The following ALDH3A2 variants were observed in gnomAD, a reference collection of about 807,000 sequenced individuals.
The protein encoded by ALDH3A2 is aldehyde dehydrogenase family 3 member A2.
Under a neutral mutation model 51.3 loss-of-function variants are expected in ALDH3A2, and 36 were observed. The ratio of observed to expected loss-of-function variants is 0.70; its 90% CI spans 0.54 to 0.93. The LOEUF is 0.93. Among genes scored for constraint, ALDH3A2 ranks in the 40% least tolerant of loss-of-function variants. ALDH3A2 has a pLI of 0.00. For missense variants in ALDH3A2, 552 were observed against 603.1 expected, an observed-to-expected ratio of 0.92 and a Z score of 0.89; for synonymous variants, 199 against 219.8, an observed-to-expected ratio of 0.91 and a Z score of 0.84.
At chr17:19,652,382 G>A (rs1309182092) in intron 2 of ALDH3A2, among the ~76,000 whole-genome samples, 165 bp from the exon 3 acceptor site, 1 of 152,208 alleles carries the variant, frequency 6.6e-6, no homozygotes, top group Admixed American at 6.5e-5. Context: ...GTTAGCCTTA[G>A]AAGAGAAAGT....
chr17:19,649,292 G>A, intron 1 of ALDH3A2, 168 bp downstream of exon 1: 1 of 893,612 alleles, frequency 1.1e-6, no homozygotes, highest in Non-Finnish European at 1.7e-6. Context: ...GACTTTCCCG[G>A]TCCTCTAGCA....
Position 19,653,350 on chromosome 17 carries a change from G to C in ALDH3A2, c.471+718G>C, listed in dbSNP as rs1055534614. Among the ~76,000 whole-genome samples, 4 of 152,136 alleles carry C rather than the reference G, an allele frequency of 2.6e-5. No individual in the cohort carries two copies. The East Asian group carries it at 7.7e-4, about 29-fold the overall frequency. Reference sequence around the variant, plus strand: ...GTGAGCCACCATGCCCATGTGTCTGGAATTGGTGGGTTCTCGGTCTCACTG... The same window carrying C: ...GTGAGCCACCATGCCCATGTGTCTGCAATTGGTGGGTTCTCGGTCTCACTG... On this transcript the variant is annotated intron_variant, in intron 3 of 9. Coordinates refer to ENST00000176643, the MANE Select transcript of ALDH3A2 (RefSeq NM_000382.3).
chr17:19,651,769 A>G lies in ALDH3A2; in HGVS notation c.376A>G (p.Ile126Val), dbSNP rs2152326518. Residue 126 changes from isoleucine to valine, a missense_variant, in exon 2 of 10, where the codon ATC becomes GTC. By Grantham distance (29) the Ile-to-Val change is conservative. Transcript: ENST00000176643. Reference protein sequence around the residue: ...VLTIQPLIGAIAAGNAVIIKP... With the variant: ...VLTIQPLIGAVAAGNAVIIKP... ...CACCATTCAGCCACTGATAGGAGCC[A>G]TCGCTGCAGGTCTGGTGCCACCTTA... is the stretch of plus-strand genomic sequence containing the variant. 6.2e-7 allele frequency: 1 copy of G among 1,614,110 alleles called. No homozygotes were observed. The highest frequency in any genetic ancestry group is 1.3e-5 in the African/African-American group (1 of 75,060).
chr17:19,649,070 G>A lies in ALDH3A2; in HGVS notation c.99G>A (p.Met33Ile). The change falls in exon 1 of 10, where the codon ATG becomes ATA. Residue 33 changes from methionine (M) to isoleucine (I), a missense_variant. Physicochemically the swap from Met to Ile is conservative, Grantham distance 10 (BLOSUM62 1). Transcript: ENST00000176643. Reference protein sequence around the residue: ...RLQQLEALRRMVQEREKDILT... With the variant: ...RLQQLEALRRIVQEREKDILT... ...AGCAGCTGGAGGCCCTGCGGAGGAT[G>A]GTGCAGGAGCGCGAGAAGGATATCC... 1 of 1,584,726 alleles carries A rather than the reference G, an allele frequency of 6.3e-7. No homozygotes were observed. Among genetic ancestry groups the A allele is most frequent in the Non-Finnish European group, 8.6e-7 (1 of 1,166,014 alleles).
intron 8 of ALDH3A2, among the ~76,000 whole-genome samples, chr17:19,666,625 A>G (rs942364055): frequency 2.0e-5 from 3 of 151,898 alleles, no homozygotes; most frequent in African/African-American, 7.3e-5. Flanking sequence ...AAAAATACAA[A>G]TGTTAGCTGG....
At chr17:19,656,326 T>G in intron 3 of ALDH3A2, 40 bp from the exon 4 acceptor site, 1 of 1,519,118 alleles carries the variant, frequency 6.6e-7, no homozygotes, top group Non-Finnish European at 9.1e-7. Flanking sequence ...CGTTAGGATT[T>G]ATTTGGCAGT....
intron 9 of ALDH3A2, 64 bp from the exon 10 acceptor site, chr17:19,675,494 A>C (rs1384640192): frequency 1.3e-6 from 2 of 1,550,466 alleles, no homozygotes; most frequent in Non-Finnish European, 1.8e-6. Context: ...TTGTGTTGCA[A>C]GGCTGGTTGT....
At chr17:19,658,748 TAAAA>T (rs34082599) in intron 5 of ALDH3A2, among the ~76,000 whole-genome samples, 3 of 138,812 alleles carry the variant, frequency 2.2e-5, no homozygotes, top group Admixed American at 7.1e-5. Context: ...ACTCTGTCTT[TAAAA>T]AAAAAAAAAA....
At chr17:19,667,405 C>A (rs2085053366) in intron 8 of ALDH3A2, among the ~76,000 whole-genome samples, 2 of 152,060 alleles carry the variant, frequency 1.3e-5, no homozygotes, top group East Asian at 3.8e-4. Context: ...GGAAAAATGT[C>A]TACAAGTGTA....
chr17:19,664,547 C>T (rs1567604014), intron 7 of ALDH3A2, among the ~76,000 whole-genome samples: 1 of 152,146 alleles, frequency 6.6e-6, no homozygotes, highest in African/African-American at 2.4e-5. Context: ...ACCTATTAAT[C>T]ATGTGTTATA....
At chr17:19,655,946 T>G (rs2084888998) in intron 3 of ALDH3A2, among the ~76,000 whole-genome samples, 1 of 152,252 alleles carries the variant, frequency 6.6e-6, no homozygotes, top group Non-Finnish European at 1.5e-5. Flanking sequence ...TCATTCAGAA[T>G]AGCGTGGGCT....
Position 19,676,880 on chromosome 17 carries a change from G to A in ALDH3A2, c.*1308G>A, listed in dbSNP as rs1398139333. 1 of 152,170 alleles carries A rather than the reference G, an allele frequency of 6.6e-6. No homozygotes were observed. The highest frequency in any genetic ancestry group is 2.4e-5 in the African/African-American group (1 of 41,416). The allele number at this position is 152,170 out of a possible 1,614,324, so 9.4% of individuals were successfully genotyped here. On this transcript the variant is annotated 3_prime_UTR_variant, in exon 10 of 10. Coordinates refer to ENST00000176643, the MANE Select transcript of ALDH3A2 (RefSeq NM_000382.3). ...TTCCTCTCACAGACAAAGAGGCCTG[G>A]GATATTAGGACTTTGGGGTTTGAGA...
chr17:19,659,867 T>C (rs2084945131), intron 5 of ALDH3A2, among the ~76,000 whole-genome samples: 1 of 148,678 alleles, frequency 6.7e-6, no homozygotes, highest in Non-Finnish European at 1.5e-5. Flanking sequence ...AAAGAGAAAA[T>C]TATGTACCAG....
intron 3 of ALDH3A2, 193 bp from the exon 4 acceptor site, chr17:19,656,173 G>C: frequency 1.6e-6 from 1 of 633,454 alleles, no homozygotes; most frequent in Non-Finnish European, 2.8e-6. Context: ...GTGGGTTCAT[G>C]CTTCCCAGAT....
At position 19,675,388 on chromosome 17, in the gene ALDH3A2, C is replaced by T. The variant is rs992977023; in HGVS notation, c.1444-170C>T. On this transcript the variant is annotated intron_variant, in intron 9 of 9. Transcript: ENST00000176643. ...AAGGGCATAATCCTTTGGCCTAAACCGTGCTTCCTAGGCTTCCTAGGGATA... is the reference window on the plus strand; with the variant it reads ...AAGGGCATAATCCTTTGGCCTAAACTGTGCTTCCTAGGCTTCCTAGGGATA... The T allele has an allele frequency of 2.0e-5, 14 of 709,688 alleles. No individual in the cohort carries two copies. The African/African-American group carries it at 2.5e-4, about 13-fold the overall frequency. The allele number at this position is 709,688 out of a possible 1,614,324, so 44.0% of individuals were successfully genotyped here. A position where few individuals can be genotyped will look rare whatever the true frequency, so the allele number is the denominator to read the frequency against.
intron 3 of ALDH3A2, 108 bp from the exon 4 acceptor site, chr17:19,656,258 A>G: frequency 9.6e-7 from 1 of 1,036,892 alleles, no homozygotes; most frequent in East Asian, 2.6e-5. Context: ...TGGTCTTGAC[A>G]CTCTCTGGGT....
chr17:19,653,463 G>A (rs566560677), intron 3 of ALDH3A2, among the ~76,000 whole-genome samples: 2 of 152,294 alleles, frequency 1.3e-5, no homozygotes, highest in South Asian at 4.1e-4. Context: ...CTGATGTTCG[G>A]ACATGTTCGG....
intron 5 of ALDH3A2, among the ~76,000 whole-genome samples, chr17:19,658,392 T>A (rs534654296): frequency 6.6e-6 from 1 of 152,158 alleles, no homozygotes; most frequent in South Asian, 2.1e-4. Flanking sequence ...TGTAGAGTCC[T>A]AAGCCAAGAC....
intron 8 of ALDH3A2, among the ~76,000 whole-genome samples, chr17:19,666,809 ATAAATAAAAAT>A (rs1375885534): frequency 6.7e-6 from 1 of 149,654 alleles, no homozygotes; most frequent in Non-Finnish European, 1.5e-5. Context: ...AAATAAATAA[ATAAATAAAAAT>A]AATAAAATAA....
Sources: allele counts gnomAD v4.1 joint callset (sites outside exome capture counted in the v4.1 genomes callset), GRCh38; gene constraint gnomAD v4.1.1; transcripts MANE v1.5; gene names NCBI Gene and HGNC (gene_info 2026-07-23, HGNC 2026-07-21).